EDA2R: variants seen among roughly 807,000 people sequenced by gnomAD.
EDA2R encodes the protein ectodysplasin A2 receptor.
In EDA2R, 26 loss-of-function variants were observed where a neutral mutation model predicts 20.1. The observed-to-expected ratio is 1.30, with a 90% CI of 0.95 to 1.80. The LOEUF is 1.80. Among genes scored for constraint, EDA2R ranks in the 40% most tolerant of loss-of-function variants. The pLI is 0.00. For missense variants in EDA2R, 277 were observed against 228.7 expected (o/e 1.21, Z -1.36); for synonymous variants, 114 against 88.7 (o/e 1.29, Z -1.60).
chrX:66,607,006 A>T (rs1199199561), intron 2 of EDA2R, among the ~76,000 whole-genome samples: 1 of 112,643 alleles, frequency 8.9e-6, no homozygotes, highest in African/African-American at 3.2e-5. Flanking sequence ...GACATAAAAC[A>T]GACTGTCTGA....
At chrX:66,598,165 C>A in intron 6 of EDA2R, 72 bp from the exon 7 acceptor site, 1 of 394,849 alleles carries the variant, frequency 2.5e-6, no homozygotes, top group Middle Eastern at 4.6e-4. Flanking sequence ...TCTACCCCTC[C>A]AAATATCATA....
intron 1 of EDA2R, among the ~76,000 whole-genome samples, chrX:66,626,997 A>G (rs1933160622): frequency 9.0e-6 from 1 of 111,478 alleles, no homozygotes; most frequent in African/African-American, 3.3e-5. Context: ...ATCAGCCAGG[A>G]ATTTTGTATC....
Position 66,595,932 on chromosome X carries a change from A to T in EDA2R, c.*2172T>A, listed in dbSNP as rs1323452316. On this transcript the variant is annotated 3_prime_UTR_variant, in exon 7 of 7. Coordinates refer to ENST00000374719, the MANE Select transcript of EDA2R (RefSeq NM_021783.5). The stretch of plus-strand genomic sequence containing the variant: ...ATGCTGTAGTGCTGAATCCTTTCCT[A>T]ACCTGGATCTGAGAATCTTGGAGGA... 4 of 109,521 alleles carry T rather than the reference A, an allele frequency of 3.7e-5. No homozygotes were observed. The highest frequency in any genetic ancestry group is 1.3e-4 in the African/African-American group (4 of 30,049). 9.0% of individuals were successfully genotyped at this position (109,521 alleles called of 1,213,427 possible). A position where few individuals can be genotyped will look rare whatever the true frequency, so the allele number is the denominator to read the frequency against.
intron 2 of EDA2R, 112 bp from the exon 3 acceptor site, chrX:66,605,338 C>A: frequency 1.5e-6 from 1 of 645,533 alleles, no homozygotes; most frequent in East Asian, 3.9e-5. Flanking sequence ...AACCCCATTA[C>A]TAAGTCATAA....
intron 1 of EDA2R, among the ~76,000 whole-genome samples, chrX:66,619,928 C>T (rs1419927531): frequency 9.0e-6 from 1 of 111,179 alleles, no homozygotes; most frequent in Non-Finnish European, 1.9e-5. Context: ...TGTACATGCC[C>T]ATGTAAACAC....
chrX:66,604,632 G>C, intron 3 of EDA2R, 126 bp from the exon 4 acceptor site: 1 of 554,160 alleles, frequency 1.8e-6, no homozygotes, highest in Non-Finnish European at 2.9e-6. Context: ...CCCTCTTTCT[G>C]AGTTATCTGC....
Position 66,636,243 on chromosome X carries a change from G to A in EDA2R, c.-11+2752C>T, listed in dbSNP as rs951276846. On this transcript the variant is annotated intron_variant, in intron 1 of 6. Transcript: ENST00000374719. ...AAAATAATAAATTACAAGGAATTTT[G>A]TCACATTTACCCATCCTGTTCCTTT... is the stretch of plus-strand genomic sequence containing the variant. Among the ~76,000 whole-genome samples the A allele has an allele frequency of 1.4e-4, 16 of 111,603 alleles. 1 individual carries two copies. Among genetic ancestry groups the A allele is most frequent in the Admixed American group, 1.4e-3 (15 of 10,506 alleles).
intron 1 of EDA2R, among the ~76,000 whole-genome samples, chrX:66,622,187 A>G (rs1932731741): frequency 9.0e-6 from 1 of 111,676 alleles, no homozygotes; most frequent in South Asian, 3.8e-4. Context: ...CTTCCCACCC[A>G]TCTCCCTGTC....
rs747179275 is a variant in EDA2R, at chrX:66,618,899, G to GT, written c.-10-2870dup. Reference sequence around the variant, plus strand: ...AATAGTTTTACCTTTGTCAGCATCAGTTTTTTCATCTGCAAAATGGATGTT... The same window carrying GT: ...AATAGTTTTACCTTTGTCAGCATCAGTTTTTTTCATCTGCAAAATGGATGTT... On this transcript the variant is annotated intron_variant, in intron 1 of 6. Transcript: ENST00000374719. Among the ~76,000 whole-genome samples, 3 of 112,276 alleles carry GT rather than the reference G, an allele frequency of 2.7e-5. No homozygotes were observed. The South Asian group carries it at 1.1e-3, about 41-fold the overall frequency.
chrX:66,626,276 A>G (rs1412887096), intron 1 of EDA2R, among the ~76,000 whole-genome samples: 1 of 111,873 alleles, frequency 8.9e-6, no homozygotes, highest in Non-Finnish European at 1.9e-5. Flanking sequence ...TGATACAAGA[A>G]GTGAAGGGAG....
chrX:66,604,095 A>T (rs923075496), intron 4 of EDA2R, among the ~76,000 whole-genome samples: 2 of 111,409 alleles, frequency 1.8e-5, no homozygotes, highest in East Asian at 5.6e-4. Flanking sequence ...ATAATATCTC[A>T]TAGGTTTACA....
chrX:66,611,672 A>G (rs1054532321), intron 2 of EDA2R, among the ~76,000 whole-genome samples: 20 of 111,452 alleles, frequency 1.8e-4, no homozygotes, highest in African/African-American at 6.5e-4. Flanking sequence ...TAAAATGAAC[A>G]AAGCCTCAAG....
rs76925068 is a variant in EDA2R, at chrX:66,600,820, G to A, written c.518-960C>T. ...TCTTTATTCAAATTCATTGACTATG[G>A]TTAACACAACTTCATTAAAAAAAAT... On this transcript the variant is annotated intron_variant, in intron 5 of 6. Coordinates refer to ENST00000374719, the MANE Select transcript of EDA2R (RefSeq NM_021783.5). Among the ~76,000 whole-genome samples, 448 of 111,611 alleles carry A rather than the reference G, an allele frequency of 4.0e-3. 25 individuals carry two copies. The East Asian group carries it at 0.11, about 28-fold the overall frequency.
chrX:66,621,875 A>T (rs1194377461), intron 1 of EDA2R, among the ~76,000 whole-genome samples: 1 of 112,390 alleles, frequency 8.9e-6, no homozygotes, highest in Non-Finnish European at 1.9e-5. Context: ...TATACACTTT[A>T]AAAAGGTAAA....
In EDA2R at chrX:66,604,573, T is replaced by A. The variant is rs748655118; in HGVS notation, c.267-67A>T. The A allele has an allele frequency of 1.4e-5, 14 of 1,020,096 alleles. 1 individual carries two copies. The highest frequency in any genetic ancestry group is 2.6e-4 in the Middle Eastern group (1 of 3,855). 84.1% of individuals were successfully genotyped at this position (1,020,096 alleles called of 1,213,427 possible). A position where few individuals can be genotyped will look rare whatever the true frequency, so the allele number is the denominator to read the frequency against. ...GCAATGCACTTGGACCAGTTCTTCC[T>A]GGGAAAGCAGCTCCTAAGAATCTTG... On this transcript the variant is annotated intron_variant, in intron 3 of 6. Coordinates refer to ENST00000374719, the MANE Select transcript of EDA2R (RefSeq NM_021783.5).
chrX:66,614,528 A>G (rs1351917489), intron 2 of EDA2R, among the ~76,000 whole-genome samples: 2 of 112,016 alleles, frequency 1.8e-5, no homozygotes, highest in African/African-American at 6.5e-5. Flanking sequence ...ATAAGCTTTA[A>G]TATCTATTTT....
intron 2 of EDA2R, among the ~76,000 whole-genome samples, chrX:66,608,460 T>G (rs1034780687): frequency 4.5e-5 from 5 of 111,913 alleles, no homozygotes; most frequent in Non-Finnish European, 9.4e-5. Flanking sequence ...TGAAATTACT[T>G]GTCAAGTAAA....
chrX:66,603,966 C>G (rs190772067), intron 4 of EDA2R, among the ~76,000 whole-genome samples: 1 of 111,788 alleles, frequency 8.9e-6, no homozygotes, highest in Admixed American at 9.4e-5. Flanking sequence ...AGATGGTAGA[C>G]AAAAAAGATA....
intron 1 of EDA2R, among the ~76,000 whole-genome samples, chrX:66,638,136 G>A (rs981648187): frequency 5.4e-5 from 6 of 111,846 alleles, no homozygotes; most frequent in African/African-American, 1.3e-4. Flanking sequence ...GAGACTGTCA[G>A]GCCCCAGTGG....
Sources: allele counts gnomAD v4.1 joint callset (sites outside exome capture counted in the v4.1 genomes callset), GRCh38; gene constraint gnomAD v4.1.1; transcripts MANE v1.5; gene names NCBI Gene and HGNC (gene_info 2026-07-23, HGNC 2026-07-21).